CNTNAP5: variants seen among roughly 807,000 people sequenced by gnomAD.
CNTNAP5 encodes contactin associated protein family member 5.
CNTNAP5 carries 72 observed loss-of-function variants against 150.2 expected under a neutral mutation model. The observed-to-expected ratio is 0.48, with a 90% CI of 0.40 to 0.58. The LOEUF (loss-of-function observed/expected upper bound fraction) is 0.58, where lower values mean the gene tolerates loss of function less well. CNTNAP5 is among the 20% of genes least tolerant of loss of function. The pLI is 0.00. For synonymous variants in CNTNAP5, 672 were observed against 619.8 expected (o/e 1.08, Z -1.25); for missense variants, 1,636 against 1,626.2 (o/e 1.01, Z -0.10).
rs918077562 is a variant in CNTNAP5 at position 124,915,228 on chromosome 2, A to G, written c.*940A>G. 6.0e-6 allele frequency: 1 copy of G among 166,600 alleles called. No homozygotes were observed. Among genetic ancestry groups the G allele is most frequent in the African/African-American group, 2.4e-5 (1 of 41,384 alleles). The allele number at this position is 166,600 out of a possible 1,614,324, so 10.3% of individuals were successfully genotyped here. ...CACACACACACACACATATATATAT[A>G]TACACACACGCACACATATATGTTG... On this transcript the variant is annotated 3_prime_UTR_variant, in exon 24 of 24. Coordinates refer to ENST00000682447, the MANE Select transcript of CNTNAP5 (RefSeq NM_001367498.1).
chr2:124,186,067 G>A (rs753666956), intron 1 of CNTNAP5, among the ~76,000 whole-genome samples: 10 of 152,126 alleles, frequency 6.6e-5, no homozygotes, highest in African/African-American at 2.2e-4. Flanking sequence ...CAGAACCCCC[G>A]GAGGATTTGC....
At chr2:124,747,085 G>T (rs115445692) in intron 13 of CNTNAP5, 144 bp from the exon 14 acceptor site, 4 of 641,230 alleles carry the variant, frequency 6.2e-6, no homozygotes, top group Non-Finnish European at 9.9e-6. Flanking sequence ...AAGGGGGGAT[G>T]TGAGGGAGGG....
chr2:124,761,513 A>G (rs937212541), intron 14 of CNTNAP5, among the ~76,000 whole-genome samples: 1 of 152,104 alleles, frequency 6.6e-6, no homozygotes, highest in African/African-American at 2.4e-5. Context: ...CTTTGGTCTC[A>G]TATTACAGAA....
chr2:124,479,109 A>G (rs1291889266), intron 7 of CNTNAP5, among the ~76,000 whole-genome samples: 1 of 152,338 alleles, frequency 6.6e-6, no homozygotes, highest in East Asian at 1.9e-4. Context: ...TAAAGTAGAC[A>G]TAAAAAATAC....
Position 124,137,017 on chromosome 2 carries a change from C to T in CNTNAP5, c.83-84688C>T, listed in dbSNP as rs190942840. Among the ~76,000 whole-genome samples the T allele has an allele frequency of 1.2e-4, 18 of 151,976 alleles. No homozygotes were observed. In the East Asian group the frequency reaches 3.5e-3, roughly 30 times the overall value. On this transcript the variant is annotated intron_variant, in intron 1 of 23. Coordinates refer to ENST00000682447, the MANE Select transcript of CNTNAP5 (RefSeq NM_001367498.1). ...CTAGGCTGGAGGAGAAATTCCTCCC[C>T]TGAGTTCTCCTGCCTCACACTCTTT...
chr2:124,588,157 T>TTTCCTTCCTTCC (rs1553482424), intron 11 of CNTNAP5, among the ~76,000 whole-genome samples: 2 of 79,242 alleles, frequency 2.5e-5, no homozygotes, highest in Non-Finnish European at 4.9e-5. Flanking sequence ...CTTCCTTCCT[T>TTTCCTTCCTTCC]TTCCTTCCTT....
intron 7 of CNTNAP5, among the ~76,000 whole-genome samples, chr2:124,478,041 G>A (rs1040391950): frequency 1.3e-5 from 2 of 151,332 alleles, no homozygotes; most frequent in African/African-American, 4.9e-5. Context: ...TATTAAAAAA[G>A]AATATCTTTA....
intron 13 of CNTNAP5, among the ~76,000 whole-genome samples, chr2:124,711,113 A>G (rs1254964720): frequency 2.0e-5 from 3 of 151,884 alleles, no homozygotes; most frequent in Non-Finnish European, 4.4e-5. Context: ...TCTACTCAAA[A>G]TACACAAATT....
intron 3 of CNTNAP5, among the ~76,000 whole-genome samples, chr2:124,256,676 A>G (rs1023636497): frequency 6.6e-6 from 1 of 152,194 alleles, no homozygotes; most frequent in Non-Finnish European, 1.5e-5. Flanking sequence ...GGATTAGCAA[A>G]TTAAAGAAGG....
At chr2:124,049,070 C>T (rs1374392310) in intron 1 of CNTNAP5, among the ~76,000 whole-genome samples, 1 of 152,182 alleles carries the variant, frequency 6.6e-6, no homozygotes, top group East Asian at 1.9e-4. Flanking sequence ...TATCTCATCT[C>T]ACGACCCAGG....
intron 13 of CNTNAP5, among the ~76,000 whole-genome samples, chr2:124,661,506 CTTA>C (rs1553428472): frequency 6.6e-6 from 1 of 152,034 alleles, no homozygotes; most frequent in Non-Finnish European, 1.5e-5. Flanking sequence ...GCTGTTGTCT[CTTA>C]TTATAACAAT....
chr2:124,903,155 T>C (rs1678450554), intron 22 of CNTNAP5, 55 bp downstream of exon 22: 1 of 1,164,812 alleles, frequency 8.6e-7, no homozygotes, highest in South Asian at 2.2e-5. Flanking sequence ...ACTTTTTGTG[T>C]CTTCAAGAAG....
At chr2:124,129,520 TA>T (rs11451862) in intron 1 of CNTNAP5, among the ~76,000 whole-genome samples, 34 of 151,626 alleles carry the variant, frequency 2.2e-4, no homozygotes, top group African/African-American at 8.0e-4. Flanking sequence ...GGGAATAATT[TA>T]AAAAAAAACT....
chr2:124,322,981 A>T (rs1203351982), intron 3 of CNTNAP5, among the ~76,000 whole-genome samples: 1 of 152,246 alleles, frequency 6.6e-6, no homozygotes, highest in Non-Finnish European at 1.5e-5. Flanking sequence ...TCTTCAGTGC[A>T]TAGTCTTCTA....
chr2:124,498,440 G>A (rs1260702320), intron 7 of CNTNAP5, among the ~76,000 whole-genome samples: 3 of 152,114 alleles, frequency 2.0e-5, no homozygotes, highest in Non-Finnish European at 4.4e-5. Context: ...TTATACTCTT[G>A]TAAGTGTGTT....
chr2:124,348,123 T>A (rs1336046040), intron 3 of CNTNAP5, among the ~76,000 whole-genome samples: 1 of 152,166 alleles, frequency 6.6e-6, no homozygotes, highest in African/African-American at 2.4e-5. Flanking sequence ...ACTCATACTA[T>A]CTCCACAATT....
rs990554593 is a variant in CNTNAP5, at chr2:124,801,196, G to A, written c.3217+2876G>A. ...CATTCATTTTTTATTAACTCTGTGGGTAATTACTAGTCAAACTGCACAGTA... is the reference window on the plus strand; with the variant it reads ...CATTCATTTTTTATTAACTCTGTGGATAATTACTAGTCAAACTGCACAGTA... On this transcript the variant is annotated intron_variant, in intron 19 of 23. Coordinates refer to ENST00000682447, the MANE Select transcript of CNTNAP5 (RefSeq NM_001367498.1). 3.9e-5 allele frequency among the ~76,000 whole-genome samples: 6 copies of A among 152,086 alleles called. No individual in the cohort carries two copies. In the South Asian group the frequency reaches 6.2e-4, roughly 16 times the overall value.
chr2:124,651,477 A>G (rs940531690), intron 13 of CNTNAP5, among the ~76,000 whole-genome samples: 1 of 152,240 alleles, frequency 6.6e-6, no homozygotes, highest in Non-Finnish European at 1.5e-5. Flanking sequence ...CCCAGACAAC[A>G]GATCTGCACC....
At chr2:124,860,029 G>T (rs189067188) in intron 19 of CNTNAP5, among the ~76,000 whole-genome samples, 53 of 151,858 alleles carry the variant, frequency 3.5e-4, no homozygotes, top group African/African-American at 1.2e-3. Context: ...TGTACATTGT[G>T]CACATGTATC....
Sources: allele counts gnomAD v4.1 joint callset (sites outside exome capture counted in the v4.1 genomes callset), GRCh38; gene constraint gnomAD v4.1.1; transcripts MANE v1.5; gene names NCBI Gene and HGNC (gene_info 2026-07-23, HGNC 2026-07-21).